Variants in TENM4 observed in about 807,000 individuals in gnomAD.
The protein encoded by TENM4 is teneurin transmembrane protein 4, also known as teneurin-4.
Under a neutral mutation model 243.3 loss-of-function variants are expected in TENM4, and 82 were observed. The ratio of observed to expected loss-of-function variants is 0.34; its 90% confidence interval spans 0.28 to 0.40. The LOEUF is 0.40. TENM4 is among the 10% of genes least tolerant of loss of function. The pLI, the probability that TENM4 is intolerant of heterozygous loss-of-function variation, is 1.00. For synonymous variants in TENM4, 1,412 were observed against 1,456.3 expected (o/e 0.97, Z 0.69); for missense variants, 3,138 against 3,673.3 (o/e 0.85, Z 3.77).
chr11:79,374,143 T>C (rs1047684343), intron 1 of TENM4, among the ~76,000 whole-genome samples: 9 of 152,098 alleles, frequency 5.9e-5, no homozygotes, highest in African/African-American at 1.9e-4. Context: ...CAAGATAAAA[T>C]TCAAGACACT....
chr11:78,939,393 T>C (rs565490843), intron 6 of TENM4, among the ~76,000 whole-genome samples: 1 of 152,364 alleles, frequency 6.6e-6, no homozygotes, highest in East Asian at 1.9e-4. Flanking sequence ...CGAAGGCCCT[T>C]CTAGCTTCTC....
intron 4 of TENM4, among the ~76,000 whole-genome samples, chr11:79,138,100 A>G (rs1189986734): frequency 6.6e-6 from 1 of 151,498 alleles, no homozygotes; most frequent in Non-Finnish European, 1.5e-5. Context: ...GCATGGCTAG[A>G]ATATAAGCCG....
intron 1 of TENM4, among the ~76,000 whole-genome samples, chr11:79,377,769 A>AAAAG (rs753576454): frequency 2.0e-5 from 3 of 152,222 alleles, no homozygotes; most frequent in Non-Finnish European, 4.4e-5. Flanking sequence ...ATGTGGCCCT[A>AAAAG]AAAGAAAAGT....
chr11:79,296,475 A>G (rs1361648837), intron 2 of TENM4, among the ~76,000 whole-genome samples: 2 of 152,210 alleles, frequency 1.3e-5, no homozygotes, highest in Admixed American at 1.3e-4. Flanking sequence ...TCTCAGGCGG[A>G]GAAAACATTG....
At chr11:79,399,231 AAT>A (rs542667648) in intron 1 of TENM4, among the ~76,000 whole-genome samples, 174 of 152,328 alleles carry the variant, frequency 1.1e-3, no homozygotes, top group African/African-American at 4.1e-3. Context: ...CCAGGCACAG[AAT>A]ATGAGTTCCA....
intron 1 of TENM4, among the ~76,000 whole-genome samples, chr11:79,386,615 G>A (rs1858116605): frequency 6.6e-6 from 1 of 152,082 alleles, no homozygotes; most frequent in African/African-American, 2.4e-5. Context: ...CACAAAAGAA[G>A]ACATCCAAAT....
At chr11:78,838,285 C>T (rs992880633) in intron 12 of TENM4, among the ~76,000 whole-genome samples, 5 of 152,118 alleles carry the variant, frequency 3.3e-5, no homozygotes, top group Admixed American at 6.5e-5. Flanking sequence ...CCTCCCACAG[C>T]ATCTGAGCTT....
chr11:79,059,547 T>C (rs527491210), intron 6 of TENM4, among the ~76,000 whole-genome samples: 115 of 152,342 alleles, frequency 7.5e-4, no homozygotes, highest in Non-Finnish European at 1.6e-3. Context: ...ACGGCAACAC[T>C]TCAAGGAAGG....
intron 2 of TENM4, among the ~76,000 whole-genome samples, chr11:79,219,582 A>G (rs1178080022): frequency 6.6e-6 from 1 of 152,224 alleles, no homozygotes; most frequent in Non-Finnish European, 1.5e-5. Flanking sequence ...TGAAGAAAGG[A>G]GACTCTGGGG....
chr11:78,804,374 T>C (rs1857346200), intron 15 of TENM4, among the ~76,000 whole-genome samples: 1 of 152,176 alleles, frequency 6.6e-6, no homozygotes, highest in Admixed American at 6.5e-5. Flanking sequence ...TGGTATACTG[T>C]AGGGGCTCAG....
intron 6 of TENM4, among the ~76,000 whole-genome samples, chr11:78,952,904 T>A (rs1857133545): frequency 6.6e-6 from 1 of 152,136 alleles, no homozygotes; most frequent in Non-Finnish European, 1.5e-5. Flanking sequence ...TCACATCAGG[T>A]ATGCATTCCC....
At chr11:78,899,571 G>GGGGA (rs1565430077) in intron 7 of TENM4, among the ~76,000 whole-genome samples, 1 of 79,370 alleles carries the variant, frequency 1.3e-5, no homozygotes. Context: ...GGGGGGGGGG[G>GGGGA]AAAAAGAAAA....
intron 4 of TENM4, among the ~76,000 whole-genome samples, chr11:79,138,337 TATAA>T (rs1352650391): frequency 8.0e-6 from 1 of 124,576 alleles, no homozygotes; most frequent in Non-Finnish European, 1.6e-5. Context: ...ATATTATATA[TATAA>T]TATATAAAAA....
At chr11:78,920,438 T>G (rs1246152811) in intron 6 of TENM4, among the ~76,000 whole-genome samples, 1 of 152,206 alleles carries the variant, frequency 6.6e-6, no homozygotes, top group Non-Finnish European at 1.5e-5. Context: ...GACCATGACC[T>G]GTGTGGAAAT....
chr11:79,085,355 C>T (rs1462664461), intron 4 of TENM4, among the ~76,000 whole-genome samples: 7 of 136,154 alleles, frequency 5.1e-5, no homozygotes, highest in Non-Finnish European at 9.2e-5. Flanking sequence ...CCAGCCTGGG[C>T]GAAAGAGCGA....
intron 1 of TENM4, among the ~76,000 whole-genome samples, chr11:79,347,589 C>T (rs562006282): frequency 8.3e-4 from 126 of 152,138 alleles, no homozygotes; most frequent in Admixed American, 1.6e-3. Context: ...AGTAGGGCCC[C>T]GCAGACAGCC....
chr11:79,079,792 G>A (rs541202653), intron 4 of TENM4, among the ~76,000 whole-genome samples: 56 of 145,768 alleles, frequency 3.8e-4, no homozygotes, highest in African/African-American at 1.4e-3. Context: ...ACATCGAGCC[G>A]CTGCACTCCA....
chr11:78,946,836 G>C (rs915356826), intron 6 of TENM4, among the ~76,000 whole-genome samples: 2 of 152,118 alleles, frequency 1.3e-5, no homozygotes, highest in African/African-American at 4.8e-5. Context: ...AAATAGAAGT[G>C]GAGCCTCAAG....
chr11:79,423,098 T>A (rs1210884680), intron 1 of TENM4, among the ~76,000 whole-genome samples: 1 of 151,856 alleles, frequency 6.6e-6, no homozygotes, highest in Non-Finnish European at 1.5e-5. Flanking sequence ...CCCCAAGGAG[T>A]CCCATGCCAT....
Sources: allele counts gnomAD v4.1 joint callset (sites outside exome capture counted in the v4.1 genomes callset), GRCh38; gene constraint gnomAD v4.1.1; transcripts MANE v1.5; gene names NCBI Gene and HGNC (gene_info 2026-07-23, HGNC 2026-07-21).